C14orf93: variants seen among roughly 807,000 people sequenced by gnomAD.
The protein encoded by C14orf93 is uncharacterized protein C14orf93.
In C14orf93, 23 loss-of-function variants were observed where a neutral mutation model predicts 44.0. The observed-to-expected ratio is 0.52, with a 90% confidence interval of 0.38 to 0.74. The LOEUF is 0.74. Ranked by LOEUF, C14orf93 falls within the 30% of genes least tolerant of loss-of-function variation. The pLI is 0.00. For missense variants in C14orf93, 579 were observed against 678.9 expected, an observed-to-expected ratio of 0.85 and a Z score of 1.64; for synonymous variants, 253 against 265.7, an observed-to-expected ratio of 0.95 and a Z score of 0.46.
chr14:22,995,972 C>T lies in C14orf93; in HGVS notation c.894G>A (p.Arg298=). 1 of 1,601,986 alleles carries T rather than the reference C, an allele frequency of 6.2e-7. No individual in the cohort carries two copies. Among genetic ancestry groups the T allele is most frequent in the East Asian group, 2.2e-5 (1 of 44,574 alleles). ...CAGAGAGTACAAGATCCCGCTTGCGCCTGGAGTTCTTCTGCCCACTTCCTC... is the reference window on the plus strand; with the variant it reads ...CAGAGAGTACAAGATCCCGCTTGCGTCTGGAGTTCTTCTGCCCACTTCCTC... ...RTRGSGQKNS[R]RKRDLVLSKL... is the part of the protein sequence containing the mutation. The change falls in exon 3 of 7, where the codon AGG becomes AGA. Residue 298 remains arginine, a synonymous_variant. Coordinates refer to ENST00000299088, the MANE Select transcript of C14orf93 (RefSeq NM_021944.4).
chr14:23,001,920 C>T (rs1435698383), intron 1 of C14orf93, among the ~76,000 whole-genome samples: 7 of 146,432 alleles, frequency 4.8e-5, no homozygotes, highest in African/African-American at 1.5e-4. Flanking sequence ...AGGCCGAGGC[C>T]GGCGAATCAC....
At chr14:23,002,789 G>A (rs1224147205) in intron 1 of C14orf93, 1 of 152,002 alleles carries the variant, frequency 6.6e-6, no homozygotes, top group Non-Finnish European at 1.5e-5. Context: ...CTGGCCTCAA[G>A]CCATCCTCCT....
chr14:22,997,056 G>T (rs914866619), intron 2 of C14orf93, among the ~76,000 whole-genome samples: 1 of 152,090 alleles, frequency 6.6e-6, no homozygotes, highest in Admixed American at 6.6e-5. Context: ...CCTGTGAGCT[G>T]CTTTCTGCGC....
rs200818446 is a variant in C14orf93 at position 22,998,509 on chromosome 14, A to G, written c.515T>C (p.Leu172Ser). 9.4e-5 allele frequency: 152 copies of G among 1,613,636 alleles called. No homozygotes were observed. Among genetic ancestry groups the G allele is most frequent in the East Asian group, 6.7e-5 (3 of 44,856 alleles). Reference sequence around the variant, plus strand: ...GTCCCTCTGAGTTGCTGGGAAGCCCAAAGGCCCAGGCCCCACTGAGGCTGC... The same window carrying G: ...GTCCCTCTGAGTTGCTGGGAAGCCCGAAGGCCCAGGCCCCACTGAGGCTGC... ...LGAASVGPGP[L>S]GFPATQRDMR... is the part of the protein sequence containing the mutation. The change falls in exon 2 of 7, where the codon TTG becomes TCG. Residue 172 changes from leucine (L) to serine (S), a missense_variant. Coordinates refer to ENST00000299088, the MANE Select transcript of C14orf93 (RefSeq NM_021944.4).
chr14:22,995,137 G>A (rs931845879), intron 3 of C14orf93, among the ~76,000 whole-genome samples: 1 of 152,186 alleles, frequency 6.6e-6, no homozygotes, highest in Non-Finnish European at 1.5e-5. Flanking sequence ...GTTCAGGCCA[G>A]TCCCTTCCTG....
chr14:22,995,924 T>C, intron 3 of C14orf93, 24 bp downstream of exon 3: 1 of 1,533,168 alleles, frequency 6.5e-7, no homozygotes, highest in Non-Finnish European at 8.8e-7. Context: ...TGAAGAAAAA[T>C]TTATAGAAAC....
chr14:22,990,175 G>C, intron 3 of C14orf93, 48 bp from the exon 4 acceptor site: 1 of 1,524,328 alleles, frequency 6.6e-7, no homozygotes, highest in Non-Finnish European at 9.1e-7. Context: ...TGGATGTTAT[G>C]AAAACTCTCC....
intron 1 of C14orf93, among the ~76,000 whole-genome samples, chr14:23,000,377 A>G (rs568382721): frequency 2.6e-5 from 4 of 152,138 alleles, no homozygotes; most frequent in Non-Finnish European, 5.9e-5. Context: ...TTTCTCTGAG[A>G]GATGCATTTC....
intron 1 of C14orf93, chr14:23,005,984 T>C (rs1221109704): frequency 6.6e-6 from 1 of 152,092 alleles, no homozygotes; most frequent in Non-Finnish European, 1.5e-5. Context: ...CTATGAAAAA[T>C]AAAAGTTTTC....
In C14orf93 at chr14:23,002,334, C is replaced by T. The variant is rs189017408; in HGVS notation, c.-379-2932G>A. Among the ~76,000 whole-genome samples, 356 of 151,536 alleles carry T rather than the reference C, an allele frequency of 2.3e-3. 1 individual carries two copies. The highest frequency in any genetic ancestry group is 8.2e-3 in the African/African-American group (339 of 41,234). On this transcript the variant is annotated intron_variant, in intron 1 of 6. Coordinates refer to ENST00000299088, the MANE Select transcript of C14orf93 (RefSeq NM_021944.4). ...AGGCATGGTGATACTTGTCTGTAAT[C>T]CCAGCTACTCAGGAGGCTGAGGGAG...
At chr14:23,009,520 T>C (rs1433557644) in intron 1 of C14orf93, among the ~76,000 whole-genome samples, 3 of 152,242 alleles carry the variant, frequency 2.0e-5, no homozygotes, top group African/African-American at 7.2e-5. Flanking sequence ...AATGAAAATG[T>C]GTGTGAAAGA....
chr14:22,989,150 T>G lies in C14orf93; in HGVS notation c.1084+592A>C, dbSNP rs536820544. Among the ~76,000 whole-genome samples, 7 of 152,192 alleles carry G rather than the reference T, an allele frequency of 4.6e-5. No homozygotes were observed. The South Asian group carries it at 8.3e-4, about 18-fold the overall frequency. ...ATGCATGCCACCCCACCCAGTTAATTTTTGTTATTTTTGTTTGTTTTTGGT... is the reference window on the plus strand; with the variant it reads ...ATGCATGCCACCCCACCCAGTTAATGTTTGTTATTTTTGTTTGTTTTTGGT... On this transcript the variant is annotated intron_variant, in intron 5 of 6. Transcript: ENST00000299088.
At position 22,988,070 on chromosome 14, in the gene C14orf93, C is replaced by T. The variant is rs112895886; in HGVS notation, c.1085-55G>A. 4,672 of 1,289,608 alleles carry T rather than the reference C, an allele frequency of 3.6e-3. 144 individuals carry two copies. In the African/African-American group the frequency reaches 0.061, roughly 17 times the overall value. 79.9% of individuals were successfully genotyped at this position (1,289,608 alleles called of 1,614,324 possible). A position where few individuals can be genotyped will look rare whatever the true frequency, so the allele number is the denominator to read the frequency against. ...AGGAGGGTCCTCTGAGTAGTGGTCC[C>T]CAGCCCGTTTTTCTGCCCTAACACT... On this transcript the variant is annotated intron_variant, in intron 5 of 6. Transcript: ENST00000299088.
intron 5 of C14orf93, among the ~76,000 whole-genome samples, chr14:22,989,436 A>C (rs1310793694): frequency 1.3e-5 from 2 of 152,198 alleles, no homozygotes; most frequent in African/African-American, 4.8e-5. Flanking sequence ...ACACCTCCTC[A>C]TAACACCTTA....
intron 1 of C14orf93, among the ~76,000 whole-genome samples, chr14:23,001,972 C>A (rs1284938174): frequency 1.3e-5 from 2 of 150,520 alleles, no homozygotes; most frequent in African/African-American, 4.9e-5. Context: ...CACAGTGAAA[C>A]CCCGTCTCTA....
At position 22,996,977 on chromosome 14, in the gene C14orf93, GCACACGCACACACACACA is replaced by G. The variant is rs1403144411; in HGVS notation, c.598-727_598-710del. On this transcript the variant is annotated intron_variant, in intron 2 of 6. Coordinates refer to ENST00000299088, the MANE Select transcript of C14orf93 (RefSeq NM_021944.4). This position sits in a 1 kb window ranked among gnomAD's most constrained non-coding sequence, Gnocchi z 4.1. ...AAATACTGAAAGTGGGGACACACAC[GCACACGCACACACACACA>G]CACACACACACACACAGAAAGATGC... 1.8e-4 allele frequency among the ~76,000 whole-genome samples: 27 copies of G among 149,344 alleles called. No individual in the cohort carries two copies. Among genetic ancestry groups the G allele is most frequent in the African/African-American group, 6.1e-4 (24 of 39,196 alleles).
chr14:23,007,125 T>C (rs1307250590), intron 1 of C14orf93: 1 of 152,100 alleles, frequency 6.6e-6, no homozygotes, highest in Non-Finnish European at 1.5e-5. Context: ...GACAGAACTA[T>C]CCGCGGCGCC....
At chr14:22,993,238 C>T (rs1272463167) in intron 3 of C14orf93, among the ~76,000 whole-genome samples, 2 of 152,196 alleles carry the variant, frequency 1.3e-5, no homozygotes, top group Non-Finnish European at 2.9e-5. Context: ...ATTGTATTTT[C>T]ATCCCAAGCT....
chr14:23,005,818 C>T (rs183629926), intron 1 of C14orf93: 1 of 152,288 alleles, frequency 6.6e-6, no homozygotes, highest in Admixed American at 6.5e-5. Context: ...TTTAGACAGA[C>T]AGTTCAGGGT....
Sources: gnomAD v4.1 joint callset for allele counts (sites outside exome capture counted in the v4.1 genomes callset) on GRCh38, gnomAD v4.1.1 for gene constraint, Gnocchi (gnomAD v3.1) non-coding constraint, MANE v1.5 for transcripts, NCBI Gene and HGNC (gene_info 2026-07-23, HGNC 2026-07-21) for gene names.